Variants in SPTSSB observed in about 807,000 individuals in gnomAD.
SPTSSB encodes serine palmitoyltransferase small subunit B, also known as androgen down regulated in mouse prostate.
In SPTSSB, 6 loss-of-function variants were observed where a neutral mutation model predicts 7.7. The observed-to-expected ratio is 0.78, with a 90% CI of 0.43 to 1.54. The LOEUF is 1.54. Ranked by LOEUF, SPTSSB falls within the 40% of genes most tolerant of loss-of-function variation. The pLI is 0.01. For synonymous variants in SPTSSB, 28 were observed against 29.7 expected, an observed-to-expected ratio of 0.94 and a Z score of 0.19; for missense variants, 91 against 93.0, an observed-to-expected ratio of 0.98 and a Z score of 0.09.
intron 1 of SPTSSB, among the ~76,000 whole-genome samples, chr3:161,362,429 AGTT>A (rs1241183639): frequency 6.6e-6 from 1 of 152,102 alleles, no homozygotes; most frequent in Non-Finnish European, 1.5e-5. Flanking sequence ...AAATTTTTTA[AGTT>A]GTTCACTTTG....
At chr3:161,368,184 G>A (rs369629242) in intron 1 of SPTSSB, among the ~76,000 whole-genome samples, 8 of 152,014 alleles carry the variant, frequency 5.3e-5, no homozygotes, top group South Asian at 2.1e-4. Flanking sequence ...TGGCACATGC[G>A]GATTCAGCAA....
intron 1 of SPTSSB, among the ~76,000 whole-genome samples, chr3:161,361,538 G>A (rs1201682287): frequency 6.6e-6 from 1 of 152,062 alleles, no homozygotes; most frequent in East Asian, 1.9e-4. Context: ...CATGGTATTT[G>A]GATATTGTTT....
intron 1 of SPTSSB, among the ~76,000 whole-genome samples, chr3:161,360,735 G>A (rs1030560608): frequency 1.3e-5 from 2 of 152,128 alleles, no homozygotes; most frequent in Non-Finnish European, 2.9e-5. Context: ...TTAGCAGATT[G>A]CAGATTCTGA....
At position 161,371,460 on chromosome 3, in the gene SPTSSB, G is replaced by A. The variant is rs1715506847; in HGVS notation, c.-151C>T. 2.0e-6 allele frequency: 2 copies of A among 985,310 alleles called. No individual in the cohort carries two copies. Among genetic ancestry groups the A allele is most frequent in the South Asian group, 9.4e-5 (2 of 21,290 alleles). The allele number at this position is 985,310 out of a possible 1,614,324, so 61.0% of individuals were successfully genotyped here. A position where few individuals can be genotyped will look rare whatever the true frequency, so the allele number is the denominator to read the frequency against. ...CTCCCAGTTGGGTGTATCTCCCTGC[G>A]GCTTAGGTGAGCGCCGAGGCTTTGG... On this transcript the variant is annotated 5_prime_UTR_variant, in exon 1 of 3. Transcript: ENST00000620149.
At chr3:161,361,436 T>G (rs1379762337) in intron 1 of SPTSSB, among the ~76,000 whole-genome samples, 2 of 152,194 alleles carry the variant, frequency 1.3e-5, no homozygotes, top group Non-Finnish European at 1.5e-5. Flanking sequence ...GAATTAAATA[T>G]TCCACCAGAG....
At chr3:161,346,404 C>G in intron 2 of SPTSSB, 49 bp from the exon 3 acceptor site, 1 of 974,096 alleles carries the variant, frequency 1.0e-6, no homozygotes, top group Admixed American at 1.9e-5. Flanking sequence ...AACATAGAAT[C>G]ACTTTAAAAT....
At position 161,371,494 on chromosome 3, in the gene SPTSSB, C is replaced by G. The variant is rs1356612403; in HGVS notation, c.-185G>C. On this transcript the variant is annotated 5_prime_UTR_variant, in exon 1 of 3. Transcript: ENST00000620149. ...GAGCGCCGAGGCTTTGGCTCCTCCC[C>G]AGCTGCTGCGAGCTTCCCACTGCGC... is the stretch of plus-strand genomic sequence containing the variant. The G allele has an allele frequency of 2.0e-6, 2 of 985,424 alleles. No individual in the cohort carries two copies. Among genetic ancestry groups the G allele is most frequent in the African/African-American group, 3.5e-5 (2 of 57,240 alleles). The allele number at this position is 985,424 out of a possible 1,614,324, so 61.0% of individuals were successfully genotyped here. A position where few individuals can be genotyped will look rare whatever the true frequency, so the allele number is the denominator to read the frequency against.
At chr3:161,347,497 G>A (rs947154030) in intron 2 of SPTSSB, among the ~76,000 whole-genome samples, 2 of 151,630 alleles carry the variant, frequency 1.3e-5, no homozygotes, top group African/African-American at 4.8e-5. Flanking sequence ...CCTGACCACA[G>A]GTGATCTGCC....
intron 2 of SPTSSB, among the ~76,000 whole-genome samples, chr3:161,356,377 T>G (rs1412519742): frequency 6.6e-6 from 1 of 152,202 alleles, no homozygotes; most frequent in Non-Finnish European, 1.5e-5. Context: ...TTACATTTTA[T>G]GAATCTTCAG....
intron 2 of SPTSSB, among the ~76,000 whole-genome samples, chr3:161,355,165 G>A (rs868483989): frequency 2.0e-5 from 3 of 152,126 alleles, no homozygotes; most frequent in Non-Finnish European, 2.9e-5. Context: ...TAGCTACAAT[G>A]TCCTTTCTTA....
At chr3:161,360,430 GA>G (rs1252176357) in intron 1 of SPTSSB, among the ~76,000 whole-genome samples, 1 of 152,126 alleles carries the variant, frequency 6.6e-6, no homozygotes, top group Non-Finnish European at 1.5e-5. Context: ...ATTTGATGTG[GA>G]ACATCAGGTA....
At chr3:161,347,997 G>T (rs1714337251) in intron 2 of SPTSSB, 1 of 152,128 alleles carries the variant, frequency 6.6e-6, no homozygotes, top group Non-Finnish European at 1.5e-5. Flanking sequence ...AATGGCTTCG[G>T]AAAGACTTTA....
intron 1 of SPTSSB, among the ~76,000 whole-genome samples, chr3:161,369,296 T>C (rs1715368757): frequency 2.9e-5 from 2 of 68,636 alleles, no homozygotes; most frequent in South Asian, 1.8e-3. Flanking sequence ...TTTTCTTTCT[T>C]TCTTTCTTTC....
intron 1 of SPTSSB, among the ~76,000 whole-genome samples, chr3:161,364,611 AGAT>A (rs1560107375): frequency 6.6e-6 from 1 of 152,100 alleles, no homozygotes; most frequent in Admixed American, 6.6e-5. Flanking sequence ...AGAAACAAAA[AGAT>A]AATACAACAC....
At chr3:161,371,354 T>A (rs1212232762) in intron 1 of SPTSSB, 81 bp downstream of exon 1, 2 of 917,190 alleles carry the variant, frequency 2.2e-6, no homozygotes, top group African/African-American at 3.6e-5. Context: ...TCAGTATTAA[T>A]TTTTTCCTCC....
intron 2 of SPTSSB, among the ~76,000 whole-genome samples, chr3:161,351,195 T>TTAA (rs1445629282): frequency 6.6e-6 from 1 of 152,178 alleles, no homozygotes; most frequent in Non-Finnish European, 1.5e-5. Flanking sequence ...AGAACTTTAG[T>TTAA]TAATACTAGT....
chr3:161,346,769 A>G (rs73017388), intron 2 of SPTSSB, among the ~76,000 whole-genome samples: 1 of 152,184 alleles, frequency 6.6e-6, no homozygotes, highest in Non-Finnish European at 1.5e-5. Context: ...ATTATGAGTC[A>G]AATGGATAGA....
chr3:161,369,341 T>TC, intron 1 of SPTSSB, among the ~76,000 whole-genome samples: 4 of 106,998 alleles, frequency 3.7e-5, no homozygotes, highest in African/African-American at 1.6e-4. Context: ...TCTTTCTTTC[T>TC]TTCTTTCTTT....
At position 161,346,056 on chromosome 3, in the gene SPTSSB, TA is replaced by T. The variant is rs1297473944; in HGVS notation, c.*36del. ...AAATCAATAAGCTGTAAGCAACATA[TA>T]AATATGCAATGCCATTTCACTGAAT... On this transcript the variant is annotated 3_prime_UTR_variant, in exon 3 of 3. Coordinates refer to ENST00000620149, the MANE Select transcript of SPTSSB (RefSeq NM_001040100.2). 2 of 1,082,380 alleles carry T rather than the reference TA, an allele frequency of 1.8e-6. No individual in the cohort carries two copies. The highest frequency in any genetic ancestry group is 1.3e-5 in the South Asian group (1 of 78,172). 67.0% of individuals were successfully genotyped at this position (1,082,380 alleles called of 1,614,324 possible).
Sources: allele counts gnomAD v4.1 joint callset (sites outside exome capture counted in the v4.1 genomes callset), GRCh38; gene constraint gnomAD v4.1.1; transcripts MANE v1.5; gene names NCBI Gene and HGNC (gene_info 2026-07-23, HGNC 2026-07-21).